The following CEP83 variants were observed in gnomAD, a reference collection of about 807,000 sequenced individuals.
CEP83 encodes centrosomal protein of 83 kDa.
CEP83 carries 70 observed loss-of-function variants against 101.9 expected under a neutral mutation model. The ratio of observed to expected loss-of-function variants is 0.69; its 90% confidence interval spans 0.57 to 0.84. CEP83 has a LOEUF of 0.84. Ranked by LOEUF, CEP83 falls within the 40% of genes least tolerant of loss-of-function variation. The pLI is 0.00. For missense variants in CEP83, 715 were observed against 787.2 expected, an observed-to-expected ratio of 0.91 and a Z score of 1.10; for synonymous variants, 264 against 267.9, an observed-to-expected ratio of 0.99 and a Z score of 0.14.
At chr12:94,280,661 A>AG in the CEP83 span, among the ~76,000 whole-genome samples, 1 of 152,204 alleles carries the variant, frequency 6.6e-6, no homozygotes, top group African/African-American at 2.4e-5. Context: ...ACAGGATCAA[A>AG]GGGGGAGCCC....
intron 7 of CEP83, among the ~76,000 whole-genome samples, chr12:94,377,959 C>T (rs896969682): frequency 6.6e-6 from 1 of 152,104 alleles, no homozygotes; most frequent in East Asian, 1.9e-4. Context: ...TTCTACTCTT[C>T]AAAACATACC....
chr12:94,419,433 C>G (rs180708751), intron 2 of CEP83, among the ~76,000 whole-genome samples: 3 of 152,182 alleles, frequency 2.0e-5, no homozygotes, highest in Non-Finnish European at 2.9e-5. Flanking sequence ...TCTCCCCAAT[C>G]TACAGATGAT....
At chr12:94,356,178 T>C (rs1265085720) in intron 11 of CEP83, among the ~76,000 whole-genome samples, 1 of 152,156 alleles carries the variant, frequency 6.6e-6, no homozygotes, top group Non-Finnish European at 1.5e-5. Context: ...CTTAAAGCAA[T>C]CCCTGTGGTG....
chr12:94,356,066 T>C (rs1349723042), intron 11 of CEP83, among the ~76,000 whole-genome samples: 1 of 152,198 alleles, frequency 6.6e-6, no homozygotes, highest in African/African-American at 2.4e-5. Flanking sequence ...ACCAAGCCTG[T>C]CTCGGCAAGT....
chr12:94,396,799 G>A (rs1369392342), intron 6 of CEP83, among the ~76,000 whole-genome samples: 1 of 152,126 alleles, frequency 6.6e-6, no homozygotes, highest in African/African-American at 2.4e-5. Flanking sequence ...CAAGTACTGT[G>A]TAAGTCCTAA....
chr12:94,285,915 C>T, the CEP83 span, among the ~76,000 whole-genome samples: 2 of 152,154 alleles, frequency 1.3e-5, no homozygotes, highest in African/African-American at 4.8e-5. Context: ...CCCTTGGCCA[C>T]TGTGGGGCAT....
chr12:94,300,795 A>G, the CEP83 span: 4 of 830,806 alleles, frequency 4.8e-6, no homozygotes, highest in Admixed American at 2.7e-5. Flanking sequence ...TTGGCTAAGC[A>G]GAGTTGTATA....
chr12:94,283,911 C>T, the CEP83 span, among the ~76,000 whole-genome samples: 1 of 152,006 alleles, frequency 6.6e-6, no homozygotes, highest in Non-Finnish European at 1.5e-5. Flanking sequence ...CGGTAAAACG[C>T]TGTCTCTAAA....
intron 6 of CEP83, among the ~76,000 whole-genome samples, chr12:94,390,762 A>G (rs529722775): frequency 1.3e-5 from 2 of 152,302 alleles, no homozygotes; most frequent in Admixed American, 1.3e-4. Context: ...ACTAGAATAA[A>G]CAGTGTAGAG....
the CEP83 span, among the ~76,000 whole-genome samples, chr12:94,299,551 TC>T: frequency 1.4e-5 from 2 of 147,032 alleles, no homozygotes; most frequent in Admixed American, 6.9e-5. Context: ...TCCCTTCTCT[TC>T]CTGTGTTCTA....
At chr12:94,429,541 G>A (rs929718218) in intron 2 of CEP83, among the ~76,000 whole-genome samples, 2 of 152,146 alleles carry the variant, frequency 1.3e-5, no homozygotes, top group African/African-American at 2.4e-5. Flanking sequence ...CATCCCTGGA[G>A]TCCCACTGAC....
chr12:94,353,195 T>C lies in CEP83; in HGVS notation c.1343+14599A>G, dbSNP rs530943986. ...GCAAGAAGAGAACAGAATGTTATAC[T>C]CAAAAGTAGTGAAAGAAAAATAACT... is the stretch of plus-strand genomic sequence containing the variant. On this transcript the variant is annotated intron_variant, in intron 11 of 16. Coordinates refer to ENST00000397809, the MANE Select transcript of CEP83 (RefSeq NM_016122.3). Among the ~76,000 whole-genome samples, 12 of 152,232 alleles carry C rather than the reference T, an allele frequency of 7.9e-5. No homozygotes were observed. The East Asian group carries it at 2.1e-3, about 27-fold the overall frequency.
At chr12:94,320,671 T>G (rs2058709554) in intron 14 of CEP83, among the ~76,000 whole-genome samples, 1 of 152,208 alleles carries the variant, frequency 6.6e-6, no homozygotes, top group Admixed American at 6.5e-5. Context: ...TTTGGCTGGA[T>G]ATGAAATTCT....
intron 11 of CEP83, among the ~76,000 whole-genome samples, chr12:94,363,717 G>C (rs145109406): frequency 1.6e-3 from 246 of 152,180 alleles, no homozygotes; most frequent in African/African-American, 5.5e-3. Flanking sequence ...GGGAGGCTGA[G>C]GTGGGCAAAT....
At position 94,339,074 on chromosome 12, in the gene CEP83, C is replaced by T. The variant is rs191970008; in HGVS notation, c.1344-3410G>A. ...CCGCCTCCTGGGTTCAAGTGATTCT[C>T]CTGCCTCAGCCTCTCAAGTAGCTGG... On this transcript the variant is annotated intron_variant, in intron 11 of 16. Transcript: ENST00000397809. 8.0e-3 allele frequency among the ~76,000 whole-genome samples: 1,211 copies of T among 151,926 alleles called. 12 individuals carry two copies. The highest frequency in any genetic ancestry group is 0.027 in the African/African-American group (1,130 of 41,402).
the CEP83 span, among the ~76,000 whole-genome samples, chr12:94,283,049 G>C: frequency 6.6e-6 from 1 of 152,182 alleles, no homozygotes; most frequent in Non-Finnish European, 1.5e-5. Flanking sequence ...AGTATTATCT[G>C]AATCTTTGTT....
At chr12:94,413,840 AC>A (rs1304415000) in intron 2 of CEP83, among the ~76,000 whole-genome samples, 1 of 151,216 alleles carries the variant, frequency 6.6e-6, no homozygotes, top group East Asian at 1.9e-4. Context: ...ACACACACAC[AC>A]ACACACACAC....
chr12:94,427,847 A>C (rs2065323180), intron 2 of CEP83, among the ~76,000 whole-genome samples: 1 of 152,210 alleles, frequency 6.6e-6, no homozygotes, highest in Non-Finnish European at 1.5e-5. Flanking sequence ...ATCCTGCACT[A>C]GTCACCCAAA....
In CEP83 at chr12:94,437,566, T is replaced by C. The variant is rs577878255; in HGVS notation, c.-154-2239A>G. On this transcript the variant is annotated intron_variant, in intron 1 of 16. Transcript: ENST00000397809. Reference sequence around the variant, plus strand: ...CAGAAACCCTACAAGCTAGAAGGAATTGGGTCCTATCTTCAGTCTCTTTAA... The same window carrying C: ...CAGAAACCCTACAAGCTAGAAGGAACTGGGTCCTATCTTCAGTCTCTTTAA... 1.9e-4 allele frequency among the ~76,000 whole-genome samples: 29 copies of C among 152,314 alleles called. No individual in the cohort carries two copies. In the South Asian group the frequency reaches 5.4e-3, roughly 28 times the overall value.
Sources: gnomAD v4.1 joint callset for allele counts (sites outside exome capture counted in the v4.1 genomes callset) on GRCh38, gnomAD v4.1.1 for gene constraint, MANE v1.5 for transcripts, NCBI Gene and HGNC (gene_info 2026-07-23, HGNC 2026-07-21) for gene names.